The following FHIP1A variants were observed in gnomAD, a reference collection of about 807,000 sequenced individuals.
FHIP1A encodes FHF complex subunit HOOK interacting protein 1A, also known as FHF complex subunit HOOK-interacting protein 1A.
A neutral mutation model predicts 88.6 loss-of-function variants in FHIP1A; 61 were observed. The observed-to-expected ratio is 0.69, with a 90% CI of 0.56 to 0.85. FHIP1A has a LOEUF of 0.85. FHIP1A is among the 40% of genes least tolerant of loss of function. FHIP1A has a pLI of 0.00. For synonymous variants in FHIP1A, 478 were observed against 496.0 expected, an observed-to-expected ratio of 0.96 and a Z score of 0.48; for missense variants, 1,154 against 1,273.5, an observed-to-expected ratio of 0.91 and a Z score of 1.43.
At chr4:151,531,882 A>C (rs953996040) in intron 3 of FHIP1A, among the ~76,000 whole-genome samples, 2 of 152,338 alleles carry the variant, frequency 1.3e-5, no homozygotes, top group South Asian at 2.1e-4. Flanking sequence ...GGGCCCAAAA[A>C]GAAGTATATG....
At chr4:151,610,633 T>C (rs1259116773) in intron 7 of FHIP1A, among the ~76,000 whole-genome samples, 1 of 152,182 alleles carries the variant, frequency 6.6e-6, no homozygotes, top group African/African-American at 2.4e-5. Context: ...GATTCCAGCC[T>C]TCTAGTTAAA....
At position 151,451,403 on chromosome 4, in the gene FHIP1A, A is replaced by G. The variant is rs545763502; in HGVS notation, c.-355-3298A>G. On this transcript the variant is annotated intron_variant, in intron 1 of 13. Coordinates refer to ENST00000435205, the MANE Select transcript of FHIP1A (RefSeq NM_001109977.3). ...ATAATTCCTTTTATTTTAACACTCAAATCTTGAGCAAGCAGGAGTTCATTT... is the reference window on the plus strand; with the variant it reads ...ATAATTCCTTTTATTTTAACACTCAGATCTTGAGCAAGCAGGAGTTCATTT... Among the ~76,000 whole-genome samples the G allele has an allele frequency of 5.9e-5, 9 of 152,254 alleles. No individual in the cohort carries two copies. The South Asian group carries it at 1.9e-3, about 32-fold the overall frequency.
intron 1 of FHIP1A, among the ~76,000 whole-genome samples, chr4:151,446,782 A>C (rs544735227): frequency 2.0e-5 from 3 of 152,056 alleles, no homozygotes; most frequent in Non-Finnish European, 4.4e-5. Flanking sequence ...AAGTTGGTGT[A>C]TGACGCTTAA....
In FHIP1A at chr4:151,545,622, C is replaced by T. The variant is rs1342697335; in HGVS notation, c.-122-20516C>T. Among the ~76,000 whole-genome samples the T allele has an allele frequency of 2.0e-5, 3 of 151,936 alleles. No homozygotes were observed. In the East Asian group the frequency reaches 5.8e-4, roughly 29 times the overall value. ...TCGATCTCCTGACCTCGTGATCCAC[C>T]GGCCTCAGCCTCCCAAAGTGCTGGG... On this transcript the variant is annotated intron_variant, in intron 3 of 13. Transcript: ENST00000435205.
In FHIP1A at chr4:151,634,167, A is replaced by G. The variant is rs191739368; in HGVS notation, c.1146+4298A>G. Among the ~76,000 whole-genome samples, 89 of 151,974 alleles carry G rather than the reference A, an allele frequency of 5.9e-4. 1 individual carries two copies. Among genetic ancestry groups the G allele is most frequent in the African/African-American group, 2.0e-3 (84 of 41,544 alleles). ...AAGGAAATTTTAAAAAGTTCTTTAT[A>G]ATAGCATCAAAAAGAATAAAATACT... On this transcript the variant is annotated intron_variant, in intron 8 of 13. Coordinates refer to ENST00000435205, the MANE Select transcript of FHIP1A (RefSeq NM_001109977.3).
chr4:151,662,904 CCT>C lies in FHIP1A; in HGVS notation c.*161_*162del, dbSNP rs947185634. The C allele has an allele frequency of 3.1e-4, 225 of 733,286 alleles. No individual in the cohort carries two copies. The highest frequency in any genetic ancestry group is 1.2e-3 in the Middle Eastern group (3 of 2,482). 45.4% of individuals were successfully genotyped at this position (733,286 alleles called of 1,614,324 possible). On this transcript the variant is annotated 3_prime_UTR_variant, in exon 14 of 14. Coordinates refer to ENST00000435205, the MANE Select transcript of FHIP1A (RefSeq NM_001109977.3). Reference sequence around the variant, plus strand: ...GGGGAGGGGAATTTTCTGTATCTTTCCTCTCTCTCTCTAGCCGGGCCTTTCCA... The same window carrying C: ...GGGGAGGGGAATTTTCTGTATCTTTCCTCTCTCTCTAGCCGGGCCTTTCCA...
intron 1 of FHIP1A, chr4:151,436,286 A>G (rs1728195504): frequency 6.6e-6 from 1 of 152,162 alleles, no homozygotes; most frequent in Non-Finnish European, 1.5e-5. Context: ...TTTTTATTAC[A>G]TTAAATAGAA....
At chr4:151,624,082 C>T (rs909023568) in intron 7 of FHIP1A, among the ~76,000 whole-genome samples, 2 of 152,154 alleles carry the variant, frequency 1.3e-5, no homozygotes, top group Non-Finnish European at 1.5e-5. Flanking sequence ...GTTCCCATTG[C>T]GAGGAGGTAT....
intron 1 of FHIP1A, among the ~76,000 whole-genome samples, chr4:151,446,581 C>CTTT (rs35115788): frequency 1.8e-5 from 2 of 109,962 alleles, no homozygotes; most frequent in African/African-American, 3.4e-5. Flanking sequence ...TGTTCTTTTT[C>CTTT]TTTTTTTTTT....
At chr4:151,578,507 GT>G (rs1257657914) in intron 5 of FHIP1A, among the ~76,000 whole-genome samples, 2 of 152,118 alleles carry the variant, frequency 1.3e-5, no homozygotes, top group African/African-American at 4.8e-5. Flanking sequence ...ATGACCACTA[GT>G]TTTAGTGTAT....
At chr4:151,445,849 A>AAT (rs56199696) in intron 1 of FHIP1A, among the ~76,000 whole-genome samples, 8,681 of 97,894 alleles carry the variant, frequency 0.089, 951 homozygotes, top group African/African-American at 0.14. Flanking sequence ...CATCTCTTAA[A>AAT]ATATATATAT....
At chr4:151,542,120 C>T (rs890956211) in intron 3 of FHIP1A, among the ~76,000 whole-genome samples, 1 of 152,012 alleles carries the variant, frequency 6.6e-6, no homozygotes, top group African/African-American at 2.4e-5. Context: ...AAATTCTGTT[C>T]CCCTTCACCC....
At chr4:151,578,598 A>G (rs545507039) in intron 5 of FHIP1A, among the ~76,000 whole-genome samples, 1 of 152,318 alleles carries the variant, frequency 6.6e-6, no homozygotes, top group Non-Finnish European at 1.5e-5. Context: ...TGACAACAAC[A>G]AATGCTGGCA....
intron 7 of FHIP1A, among the ~76,000 whole-genome samples, chr4:151,610,652 C>T (rs904320504): frequency 5.3e-5 from 8 of 152,216 alleles, no homozygotes; most frequent in Non-Finnish European, 1.2e-4. Context: ...AATGCCCATG[C>T]TTATGCCTTT....
intron 3 of FHIP1A, among the ~76,000 whole-genome samples, chr4:151,535,391 A>G (rs1333440490): frequency 6.6e-6 from 1 of 152,216 alleles, no homozygotes; most frequent in Non-Finnish European, 1.5e-5. Context: ...TAAAAAATCA[A>G]TCTAGTTATA....
chr4:151,575,586 C>CT (rs770847205), intron 4 of FHIP1A, among the ~76,000 whole-genome samples: 1 of 152,132 alleles, frequency 6.6e-6, no homozygotes, highest in Non-Finnish European at 1.5e-5. Context: ...TGGGTAGGGG[C>CT]TAGCCAAAGG....
intron 4 of FHIP1A, among the ~76,000 whole-genome samples, chr4:151,569,628 TA>T (rs566008605): frequency 3.1e-4 from 47 of 152,328 alleles, no homozygotes; most frequent in Non-Finnish European, 5.9e-4. Context: ...GACTTAAGTA[TA>T]AATTCAACAT....
intron 13 of FHIP1A, among the ~76,000 whole-genome samples, chr4:151,660,863 TTATACC>T (rs977706988): frequency 3.9e-5 from 6 of 152,318 alleles, no homozygotes; most frequent in African/African-American, 2.4e-5. Flanking sequence ...CCTGTGTACT[TTATACC>T]TATTGACTCA....
At chr4:151,577,345 A>T in intron 4 of FHIP1A, 105 bp from the exon 5 acceptor site, 1 of 1,022,304 alleles carries the variant, frequency 9.8e-7, no homozygotes, top group Non-Finnish European at 1.4e-6. Context: ...TCTTGTGGGC[A>T]GTGGCTCCTG....
Sources: gnomAD v4.1 joint callset for allele counts (sites outside exome capture counted in the v4.1 genomes callset) on GRCh38, gnomAD v4.1.1 for gene constraint, MANE v1.5 for transcripts, NCBI Gene and HGNC (gene_info 2026-07-23, HGNC 2026-07-21) for gene names.